The following CUL3 variants were observed in gnomAD, a reference collection of about 807,000 sequenced individuals.
The protein encoded by CUL3 is cullin 3.
Under a neutral mutation model 89.1 loss-of-function variants are expected in CUL3, and 19 were observed. The ratio of observed to expected loss-of-function variants is 0.21; its 90% CI spans 0.15 to 0.31. CUL3 has a LOEUF of 0.31. Ranked by LOEUF, CUL3 falls within the 10% of genes least tolerant of loss-of-function variation. The pLI is 1.00. For synonymous variants in CUL3, 351 were observed against 308.4 expected, an observed-to-expected ratio of 1.14 and a Z score of -1.45; for missense variants, 469 against 942.3, an observed-to-expected ratio of 0.50 and a Z score of 6.58.
chr2:224,487,312 A>T (rs577861566), intron 13 of CUL3, among the ~76,000 whole-genome samples: 1 of 152,226 alleles, frequency 6.6e-6, no homozygotes, highest in East Asian at 1.9e-4. Flanking sequence ...ATTAAAAGAC[A>T]CAGACTGGCA....
intron 3 of CUL3, among the ~76,000 whole-genome samples, chr2:224,531,286 C>T (rs1693687262): frequency 6.6e-6 from 1 of 151,908 alleles, no homozygotes; most frequent in Non-Finnish European, 1.5e-5. Flanking sequence ...TGGGGTTTCA[C>T]CACACTGGCC....
At chr2:224,498,529 G>A (rs1692256963) in intron 11 of CUL3, among the ~76,000 whole-genome samples, 1 of 152,164 alleles carries the variant, frequency 6.6e-6, no homozygotes, top group Non-Finnish European at 1.5e-5. Flanking sequence ...GGACTTTGGG[G>A]AGGGAAAAAA....
chr2:224,487,099 C>A (rs1691754926), intron 13 of CUL3, among the ~76,000 whole-genome samples: 1 of 152,136 alleles, frequency 6.6e-6, no homozygotes, highest in Non-Finnish European at 1.5e-5. Flanking sequence ...GTCTGCCTTA[C>A]AAGGGCTTCT....
intron 3 of CUL3, among the ~76,000 whole-genome samples, chr2:224,525,646 T>C (rs1014986730): frequency 6.6e-6 from 1 of 152,214 alleles, no homozygotes; most frequent in Non-Finnish European, 1.5e-5. Flanking sequence ...TAAATAAACA[T>C]ACATAAAGTG....
intron 2 of CUL3, among the ~76,000 whole-genome samples, chr2:224,551,498 C>T (rs967569746): frequency 4.0e-5 from 6 of 151,718 alleles, no homozygotes; most frequent in African/African-American, 1.5e-4. Flanking sequence ...AGCCACCACG[C>T]CTGGTCAATT....
Position 224,503,826 on chromosome 2 carries a change from C to T in CUL3, c.1207-4G>A. ...TTTCTACTTCTTGTTCTGTTAGCTG[C>T]AAAATTAAGATGATGTAACAATTAT... is the stretch of plus-strand genomic sequence containing the variant. On this transcript the variant is annotated splice_polypyrimidine_tract_variant and splice_region_variant and intron_variant, in intron 8 of 15. Coordinates refer to ENST00000264414, the MANE Select transcript of CUL3 (RefSeq NM_003590.5). The T allele has an allele frequency of 1.3e-6, 2 of 1,534,052 alleles. No homozygotes were observed. The highest frequency in any genetic ancestry group is 2.3e-5 in the East Asian group (1 of 43,520).
chr2:224,502,944 G>T, intron 10 of CUL3, 21 bp downstream of exon 10: 1 of 1,547,560 alleles, frequency 6.5e-7, no homozygotes, highest in Non-Finnish European at 8.9e-7. Flanking sequence ...TATCTAAGTA[G>T]AAATTAACGC....
At chr2:224,563,814 A>G (rs1694973979) in intron 1 of CUL3, among the ~76,000 whole-genome samples, 1 of 152,178 alleles carries the variant, frequency 6.6e-6, no homozygotes, top group South Asian at 2.1e-4. Context: ...CACAATGCTT[A>G]TGTCCAGGCA....
At position 224,473,114 on chromosome 2, in the gene CUL3, T is replaced by A. The variant is rs921207950; in HGVS notation, c.*1131A>T. ...CTCTTTGGAGGACAATAGCTAAATATCCAAGAATCATCAGGTTTGAGAAAT... is the reference window on the plus strand; with the variant it reads ...CTCTTTGGAGGACAATAGCTAAATAACCAAGAATCATCAGGTTTGAGAAAT... On this transcript the variant is annotated 3_prime_UTR_variant, in exon 16 of 16. Coordinates refer to ENST00000264414, the MANE Select transcript of CUL3 (RefSeq NM_003590.5). The A allele has an allele frequency of 9.8e-6, 2 of 204,318 alleles. No individual in the cohort carries two copies. The highest frequency in any genetic ancestry group is 2.0e-5 in the Non-Finnish European group (2 of 99,414). The allele number at this position is 204,318 out of a possible 1,614,324, so 12.7% of individuals were successfully genotyped here.
chr2:224,554,770 G>T (rs1030767879), intron 2 of CUL3, among the ~76,000 whole-genome samples: 1 of 152,186 alleles, frequency 6.6e-6, no homozygotes, highest in Non-Finnish European at 1.5e-5. Flanking sequence ...TGACGAATGA[G>T]AACATGCCCC....
At chr2:224,568,207 A>G (rs531470203) in intron 1 of CUL3, among the ~76,000 whole-genome samples, 9 of 152,238 alleles carry the variant, frequency 5.9e-5, no homozygotes, top group South Asian at 2.1e-4. Context: ...TTCTTCCGTG[A>G]TATTTTATAG....
chr2:224,533,517 A>T (rs1429758751), intron 3 of CUL3, among the ~76,000 whole-genome samples: 1 of 152,198 alleles, frequency 6.6e-6, no homozygotes, highest in Non-Finnish European at 1.5e-5. Flanking sequence ...AACACACTTT[A>T]AAAATAACAT....
intron 6 of CUL3, among the ~76,000 whole-genome samples, chr2:224,510,744 C>T (rs564678452): frequency 1.3e-5 from 2 of 152,170 alleles, no homozygotes; most frequent in Admixed American, 6.5e-5. Flanking sequence ...TCTTTTACCC[C>T]AGGAAAATAA....
At chr2:224,506,733 T>C (rs1288018414) in intron 7 of CUL3, 125 bp downstream of exon 7, 2 of 792,594 alleles carry the variant, frequency 2.5e-6, no homozygotes, top group Non-Finnish European at 3.8e-6. Flanking sequence ...TAATTACAAA[T>C]ATTAATTTAC....
At chr2:224,561,738 T>C (rs1414507470) in intron 1 of CUL3, among the ~76,000 whole-genome samples, 1 of 152,224 alleles carries the variant, frequency 6.6e-6, no homozygotes, top group Non-Finnish European at 1.5e-5. Flanking sequence ...TAAAATGTAC[T>C]GATGCGGCTA....
intron 1 of CUL3, 115 bp from the exon 2 acceptor site, chr2:224,557,971 T>C: frequency 3.3e-6 from 2 of 609,138 alleles, no homozygotes; most frequent in East Asian, 2.8e-5. Flanking sequence ...TAGATATGAT[T>C]ATAAATCTAT....
intron 2 of CUL3, among the ~76,000 whole-genome samples, chr2:224,541,592 C>T (rs1338975704): frequency 3.9e-5 from 6 of 152,176 alleles, no homozygotes; most frequent in Non-Finnish European, 7.4e-5. Flanking sequence ...TGAAAACTTA[C>T]ATTCACACAA....
At chr2:224,558,033 A>T (rs1172840509) in intron 1 of CUL3, among the ~76,000 whole-genome samples, 177 bp from the exon 2 acceptor site, 1 of 152,116 alleles carries the variant, frequency 6.6e-6, no homozygotes, top group Non-Finnish European at 1.5e-5. Context: ...AAAAGGATAC[A>T]TTTAAAAATA....
chr2:224,496,084 G>A, intron 12 of CUL3, 118 bp from the exon 13 acceptor site: 1 of 1,104,054 alleles, frequency 9.1e-7, no homozygotes, highest in Non-Finnish European at 1.3e-6. Flanking sequence ...AGGCTACAGT[G>A]CAGTGGCGCA....
Sources: gnomAD v4.1 joint callset for allele counts (sites outside exome capture counted in the v4.1 genomes callset) on GRCh38, gnomAD v4.1.1 for gene constraint, MANE v1.5 for transcripts, NCBI Gene and HGNC (gene_info 2026-07-23, HGNC 2026-07-21) for gene names.